The following HACE1 variants were observed in gnomAD, a reference collection of about 807,000 sequenced individuals.
HACE1 encodes the protein HECT domain and ankyrin repeat containing E3 ubiquitin protein ligase 1.
A neutral mutation model predicts 118.4 loss-of-function variants in HACE1; 73 were observed. The observed-to-expected ratio is 0.62, with a 90% CI of 0.51 to 0.75. HACE1 has a LOEUF of 0.75. HACE1 is among the 30% of genes least tolerant of loss of function. The pLI, the probability that HACE1 is intolerant of heterozygous loss-of-function variation, is 0.00. For missense variants in HACE1, 749 were observed against 1,102.2 expected, an observed-to-expected ratio of 0.68 and a Z score of 4.54; for synonymous variants, 368 against 374.8, an observed-to-expected ratio of 0.98 and a Z score of 0.21.
At chr6:104,808,089 G>A (rs1382585715) in intron 7 of HACE1, among the ~76,000 whole-genome samples, 1 of 152,046 alleles carries the variant, frequency 6.6e-6, no homozygotes, top group African/African-American at 2.4e-5. Flanking sequence ...GGGAGGCAGA[G>A]GCAGGAGAAT....
chr6:104,774,486 G>C (rs1348979888), intron 17 of HACE1, among the ~76,000 whole-genome samples: 1 of 151,914 alleles, frequency 6.6e-6, no homozygotes, highest in Admixed American at 6.6e-5. Context: ...CTGGGTTCAA[G>C]AGATTCTCCT....
chr6:104,769,945 A>G (rs1209366850), intron 19 of HACE1, among the ~76,000 whole-genome samples: 1 of 152,164 alleles, frequency 6.6e-6, no homozygotes, highest in Non-Finnish European at 1.5e-5. Flanking sequence ...CTAAGAACCT[A>G]TTTTTATAGA....
At chr6:104,859,443 AG>A in intron 1 of HACE1, 123 bp downstream of exon 1, 1 of 768,212 alleles carries the variant, frequency 1.3e-6, no homozygotes, top group African/African-American at 1.9e-5. Context: ...AGCTCTGGAA[AG>A]TAAAAGTGGG....
At chr6:104,735,036 T>G (rs1181208560) in intron 22 of HACE1, among the ~76,000 whole-genome samples, 3 of 151,996 alleles carry the variant, frequency 2.0e-5, no homozygotes, top group Non-Finnish European at 1.5e-5. Context: ...ATTAAAAAAT[T>G]TATATAAACA....
chr6:104,797,738 T>A (rs542104975), intron 7 of HACE1, among the ~76,000 whole-genome samples: 2 of 152,004 alleles, frequency 1.3e-5, no homozygotes, highest in Non-Finnish European at 2.9e-5. Context: ...TGTGTAACTA[T>A]CACTCCAGGG....
chr6:104,849,134 A>G lies in HACE1; in HGVS notation c.326+8T>C. 6 of 1,476,118 alleles carry G rather than the reference A, an allele frequency of 4.1e-6. No individual in the cohort carries two copies. The highest frequency in any genetic ancestry group is 5.7e-6 in the Non-Finnish European group (6 of 1,054,006). The allele number at this position is 1,476,118 out of a possible 1,614,324, so 91.4% of individuals were successfully genotyped here. Reference sequence around the variant, plus strand: ...AACTTAAGCCACTTAAGAAAACTAAATAGTTACCCATTTCTTGCTGCCAAA... The same window carrying G: ...AACTTAAGCCACTTAAGAAAACTAAGTAGTTACCCATTTCTTGCTGCCAAA... On this transcript the variant is annotated splice_region_variant and intron_variant, in intron 4 of 23. Transcript: ENST00000262903.
chr6:104,852,246 C>T (rs112610480), intron 2 of HACE1, 71 bp downstream of exon 2: 20 of 862,614 alleles, frequency 2.3e-5, no homozygotes, highest in Admixed American at 1.6e-4. Flanking sequence ...TGCGCGTGCA[C>T]GGGCATGCAG....
chr6:104,846,180 A>G (rs1353392068), intron 4 of HACE1, among the ~76,000 whole-genome samples: 1 of 152,226 alleles, frequency 6.6e-6, no homozygotes, highest in African/African-American at 2.4e-5. Flanking sequence ...TTGAACAACC[A>G]TTATTACTAT....
chr6:104,850,879 G>A, intron 3 of HACE1, 28 bp downstream of exon 3: 6 of 1,353,448 alleles, frequency 4.4e-6, no homozygotes, highest in Non-Finnish European at 6.4e-6. Flanking sequence ...CTAGATCAGA[G>A]TTTAACTCAA....
intron 19 of HACE1, among the ~76,000 whole-genome samples, chr6:104,766,138 G>A (rs1018633186): frequency 3.3e-5 from 5 of 152,130 alleles, no homozygotes; most frequent in African/African-American, 9.7e-5. Context: ...AATGCACATC[G>A]GCCTTGGCCC....
At chr6:104,787,134 CA>C (rs1221192185) in intron 11 of HACE1, 1 of 152,144 alleles carries the variant, frequency 6.6e-6, no homozygotes, top group Non-Finnish European at 1.5e-5. Context: ...CAGAAAAACA[CA>C]ACAAAACCAA....
chr6:104,729,802 C>A, intron 23 of HACE1, 38 bp from the exon 24 acceptor site: 1 of 895,974 alleles, frequency 1.1e-6, no homozygotes, highest in Non-Finnish European at 1.9e-6. Context: ...AACAGGAAAT[C>A]TATAAAATTT....
chr6:104,753,968 G>A (rs1437049510), intron 19 of HACE1, among the ~76,000 whole-genome samples: 2 of 152,132 alleles, frequency 1.3e-5, no homozygotes, highest in East Asian at 1.9e-4. Flanking sequence ...CTGAGATAAA[G>A]GAGCATGTTT....
intron 22 of HACE1, among the ~76,000 whole-genome samples, chr6:104,737,300 A>AG (rs1775976248): frequency 1.3e-5 from 2 of 151,094 alleles, no homozygotes; most frequent in African/African-American, 4.9e-5. Context: ...AAAAAAAAAA[A>AG]AAAAAAAGAA....
At chr6:104,748,803 A>G (rs541794402) in intron 20 of HACE1, among the ~76,000 whole-genome samples, 1 of 152,330 alleles carries the variant, frequency 6.6e-6, no homozygotes, top group African/African-American at 2.4e-5. Context: ...AGAAAGCCAG[A>G]TACATTCTAT....
intron 7 of HACE1, among the ~76,000 whole-genome samples, chr6:104,810,424 AAAG>A (rs887893619): frequency 2.0e-4 from 30 of 152,092 alleles, no homozygotes; most frequent in Non-Finnish European, 3.4e-4. Flanking sequence ...AAACAGAAAA[AAAG>A]AAGAAGAGAG....
chr6:104,792,907 T>C (rs1284130653), intron 10 of HACE1, among the ~76,000 whole-genome samples: 1 of 152,128 alleles, frequency 6.6e-6, no homozygotes, highest in Non-Finnish European at 1.5e-5. Context: ...CTGCAGAAGC[T>C]CAAGGTTGTT....
At chr6:104,746,322 C>T (rs1428494900) in intron 20 of HACE1, among the ~76,000 whole-genome samples, 1 of 152,176 alleles carries the variant, frequency 6.6e-6, no homozygotes, top group Non-Finnish European at 1.5e-5. Flanking sequence ...TTATAGAATC[C>T]TTTTCCTAGA....
intron 22 of HACE1, among the ~76,000 whole-genome samples, chr6:104,739,910 C>G (rs375908233): frequency 2.0e-5 from 3 of 151,086 alleles, no homozygotes; most frequent in African/African-American, 4.9e-5. Flanking sequence ...TGACCACATA[C>G]TTGGAAGTAA....
Sources: gnomAD v4.1 joint callset for allele counts (sites outside exome capture counted in the v4.1 genomes callset) on GRCh38, gnomAD v4.1.1 for gene constraint, MANE v1.5 for transcripts, NCBI Gene and HGNC (gene_info 2026-07-23, HGNC 2026-07-21) for gene names.